The following ARB2A variants were observed in gnomAD, a reference collection of about 807,000 sequenced individuals.
ARB2A encodes the protein ARB2 cotranscriptional regulator A.
At chr5:93,884,822 A>G in the ARB2A span, among the ~76,000 whole-genome samples, 1 of 151,624 alleles carries the variant, frequency 6.6e-6, no homozygotes, top group Non-Finnish European at 1.5e-5. Context: ...GAGATCATTC[A>G]TAACCATTTT....
the ARB2A span, among the ~76,000 whole-genome samples, chr5:94,046,559 T>G: frequency 6.6e-6 from 1 of 152,220 alleles, no homozygotes; most frequent in Non-Finnish European, 1.5e-5. Context: ...CCAACTTAAC[T>G]GCCCAGTAGA....
At chr5:93,979,461 G>A in the ARB2A span, among the ~76,000 whole-genome samples, 249 of 151,960 alleles carry the variant, frequency 1.6e-3, no homozygotes, top group Middle Eastern at 3.4e-3. Context: ...TATTTTTTAC[G>A]TTTTACAAAA....
the ARB2A span, among the ~76,000 whole-genome samples, chr5:93,999,340 T>C: frequency 3.9e-4 from 60 of 152,040 alleles, no homozygotes; most frequent in Admixed American, 8.5e-4. Context: ...ATTCAGTGAA[T>C]CCATTCAGAG....
At chr5:94,094,891 T>C in the ARB2A span, among the ~76,000 whole-genome samples, 1 of 152,188 alleles carries the variant, frequency 6.6e-6, no homozygotes. Context: ...AGGGAAAGGA[T>C]ATAGATTAAC....
At chr5:93,986,625 T>C in the ARB2A span, among the ~76,000 whole-genome samples, 4 of 152,160 alleles carry the variant, frequency 2.6e-5, no homozygotes, top group South Asian at 6.2e-4. Flanking sequence ...ACTGTGTCTA[T>C]GTAGAAAGAA....
chr5:93,748,561 A>G, the ARB2A span, among the ~76,000 whole-genome samples: 1 of 152,074 alleles, frequency 6.6e-6, no homozygotes, highest in African/African-American at 2.4e-5. Flanking sequence ...ATAATACTTG[A>G]CTTGCTGGAC....
the ARB2A span, among the ~76,000 whole-genome samples, chr5:94,016,675 G>A: frequency 4.6e-5 from 7 of 152,254 alleles, no homozygotes; most frequent in South Asian, 1.5e-3. Context: ...TGCAATTAAG[G>A]GAGCTCTTTT....
chr5:93,926,259 A>G, the ARB2A span, among the ~76,000 whole-genome samples: 1 of 151,750 alleles, frequency 6.6e-6, no homozygotes, highest in Non-Finnish European at 1.5e-5. Flanking sequence ...TCTCCCGAGT[A>G]GCTGGGATTA....
chr5:94,038,219 C>A, the ARB2A span, among the ~76,000 whole-genome samples: 1 of 152,050 alleles, frequency 6.6e-6, no homozygotes, highest in Non-Finnish European at 1.5e-5. Context: ...TAAAATTTCA[C>A]AAGTTACATG....
the ARB2A span, among the ~76,000 whole-genome samples, chr5:93,638,395 C>A: frequency 6.6e-5 from 10 of 152,190 alleles, no homozygotes; most frequent in African/African-American, 2.4e-4. Context: ...GGAAAATTGA[C>A]ATCTTTATTA....
At chr5:94,016,982 CAG>C in the ARB2A span, among the ~76,000 whole-genome samples, 1 of 152,140 alleles carries the variant, frequency 6.6e-6, no homozygotes, top group Non-Finnish European at 1.5e-5. Context: ...GAAGACCAAT[CAG>C]AGTTTCTGCC....
chr5:93,747,271 T>A, the ARB2A span, among the ~76,000 whole-genome samples: 43 of 152,310 alleles, frequency 2.8e-4, no homozygotes, highest in South Asian at 6.4e-3. Flanking sequence ...ATTATTTTTT[T>A]AAAGAGATTC....
At chr5:94,111,349 A>C in the ARB2A span, among the ~76,000 whole-genome samples, 417 of 152,254 alleles carry the variant, frequency 2.7e-3, 1 homozygote, top group African/African-American at 9.8e-3. Flanking sequence ...GCGGAGGCCC[A>C]GACACAAGTC....
the ARB2A span, among the ~76,000 whole-genome samples, chr5:93,840,322 C>A: frequency 2.0e-5 from 3 of 152,110 alleles, no homozygotes; most frequent in Non-Finnish European, 4.4e-5. Flanking sequence ...AATGGTTATG[C>A]ACAGAAGACA....
the ARB2A span, among the ~76,000 whole-genome samples, chr5:93,929,684 C>G: frequency 6.6e-6 from 1 of 151,918 alleles, no homozygotes; most frequent in African/African-American, 2.4e-5. Flanking sequence ...TAAACTGGAC[C>G]CTTTCAGAAA....
chr5:94,072,090 T>A, the ARB2A span, among the ~76,000 whole-genome samples: 4 of 152,116 alleles, frequency 2.6e-5, no homozygotes, highest in Admixed American at 1.3e-4. Flanking sequence ...TCAAAGGCAT[T>A]ATACTTATTG....
At chr5:93,783,953 A>G in the ARB2A span, among the ~76,000 whole-genome samples, 9 of 152,136 alleles carry the variant, frequency 5.9e-5, no homozygotes, top group Admixed American at 2.0e-4. Context: ...TAGTCAGCCA[A>G]TCCATTTAAG....
At chr5:93,867,833 T>C in the ARB2A span, among the ~76,000 whole-genome samples, 2 of 152,168 alleles carry the variant, frequency 1.3e-5, no homozygotes, top group East Asian at 1.9e-4. Flanking sequence ...TTATAATATA[T>C]AATCTATTAC....
the ARB2A span, among the ~76,000 whole-genome samples, chr5:93,916,418 T>G: frequency 1.3e-5 from 2 of 152,162 alleles, no homozygotes; most frequent in Non-Finnish European, 1.5e-5. Flanking sequence ...TTACAATGTA[T>G]TAAAACAGTG....
Sources: allele counts gnomAD v4.1 joint callset (sites outside exome capture counted in the v4.1 genomes callset), GRCh38; gene constraint gnomAD v4.1.1; transcripts MANE v1.5; gene names NCBI Gene and HGNC (gene_info 2026-07-23, HGNC 2026-07-21).